Variants in GLIS3 observed in about 807,000 individuals in gnomAD.
GLIS3 encodes zinc finger protein GLIS3.
Under a neutral mutation model 78.6 loss-of-function variants are expected in GLIS3, and 53 were observed. That is an observed-to-expected ratio of 0.67 (90% CI 0.54 to 0.85). The LOEUF (loss-of-function observed/expected upper bound fraction) is 0.85, where lower values mean the gene tolerates loss of function less well. Ranked by LOEUF, GLIS3 falls within the 40% of genes least tolerant of loss-of-function variation. The pLI is 0.00. For missense variants in GLIS3, 1,703 were observed against 1,231.1 expected (o/e 1.38, Z -5.74); for synonymous variants, 684 against 509.9 (o/e 1.34, Z -4.60).
chr9:4,438,006 G>C, the GLIS3 span, among the ~76,000 whole-genome samples: 1 of 152,162 alleles, frequency 6.6e-6, no homozygotes, highest in Non-Finnish European at 1.5e-5. Flanking sequence ...GGAGTCAAAA[G>C]TTATATGTGG....
chr9:4,459,668 G>C, the GLIS3 span, among the ~76,000 whole-genome samples: 1 of 152,170 alleles, frequency 6.6e-6, no homozygotes, highest in Non-Finnish European at 1.5e-5. Flanking sequence ...GGGAGACTGA[G>C]GCAGAAGGGC....
chr9:4,271,569 A>C (rs1826511477), intron 2 of GLIS3, among the ~76,000 whole-genome samples: 1 of 152,168 alleles, frequency 6.6e-6, no homozygotes, highest in Non-Finnish European at 1.5e-5. Flanking sequence ...CAGCATAAGC[A>C]AGTGGCATAT....
chr9:4,233,600 C>G (rs1245686295), intron 2 of GLIS3, among the ~76,000 whole-genome samples: 3 of 152,186 alleles, frequency 2.0e-5, no homozygotes, highest in African/African-American at 4.8e-5. Context: ...TTATAGATCA[C>G]AGGCAGAATA....
chr9:4,279,998 T>C (rs1478736823), intron 2 of GLIS3, among the ~76,000 whole-genome samples: 2 of 152,052 alleles, frequency 1.3e-5, no homozygotes, highest in East Asian at 1.9e-4. Flanking sequence ...AAAAATAATA[T>C]AAAATTGAAA....
At chr9:4,236,772 T>C (rs1355727679) in intron 2 of GLIS3, among the ~76,000 whole-genome samples, 1 of 152,198 alleles carries the variant, frequency 6.6e-6, no homozygotes, top group Non-Finnish European at 1.5e-5. Flanking sequence ...TAAAGTTTCA[T>C]CTAATCCCTA....
At position 4,074,848 on chromosome 9, in the gene GLIS3, A is replaced by T. The variant is rs376297033; in HGVS notation, c.1710+42920T>A. On this transcript the variant is annotated intron_variant, in intron 4 of 10. Transcript: ENST00000381971. The stretch of plus-strand genomic sequence containing the variant: ...ATTTGGTCATTAGGCATTTTTACCA[A>T]ACTACAGAATTTTAGAGCCTGAAGC... Among the ~76,000 whole-genome samples, 11 of 152,296 alleles carry T rather than the reference A, an allele frequency of 7.2e-5. No homozygotes were observed. In the East Asian group the frequency reaches 1.9e-3, roughly 27 times the overall value.
chr9:3,966,737 G>T (rs1410918364), intron 4 of GLIS3, among the ~76,000 whole-genome samples: 1 of 150,992 alleles, frequency 6.6e-6, no homozygotes, highest in Non-Finnish European at 1.5e-5. Context: ...GGTGTGAGCT[G>T]AGATCGCGCC....
At chr9:4,108,420 A>C (rs1352132654) in intron 4 of GLIS3, among the ~76,000 whole-genome samples, 8 of 152,198 alleles carry the variant, frequency 5.3e-5, no homozygotes, top group Non-Finnish European at 1.0e-4. Context: ...CTGAGGGAAG[A>C]AGGTAGTAGG....
chr9:4,382,649 G>A, the GLIS3 span, among the ~76,000 whole-genome samples: 1 of 152,052 alleles, frequency 6.6e-6, no homozygotes, highest in Non-Finnish European at 1.5e-5. Context: ...TAGATACCAG[G>A]CCCTTCTCCT....
chr9:4,395,502 A>G, the GLIS3 span, among the ~76,000 whole-genome samples: 1 of 152,158 alleles, frequency 6.6e-6, no homozygotes, highest in Non-Finnish European at 1.5e-5. Flanking sequence ...CCGATGCTCT[A>G]GCTGAAGAAG....
At chr9:4,105,069 A>G (rs1399669641) in intron 4 of GLIS3, among the ~76,000 whole-genome samples, 2 of 152,234 alleles carry the variant, frequency 1.3e-5, no homozygotes, top group African/African-American at 2.4e-5. Flanking sequence ...TAAAATATCT[A>G]TAAGTGAAAT....
At chr9:4,026,779 GA>G (rs1207260980) in intron 4 of GLIS3, among the ~76,000 whole-genome samples, 2 of 152,134 alleles carry the variant, frequency 1.3e-5, no homozygotes, top group Non-Finnish European at 2.9e-5. Context: ...ATTATCAGGG[GA>G]AAAAGAGGTA....
At chr9:3,955,194 G>T (rs759886557) in intron 4 of GLIS3, among the ~76,000 whole-genome samples, 2 of 152,178 alleles carry the variant, frequency 1.3e-5, no homozygotes, top group African/African-American at 2.4e-5. Flanking sequence ...AATCAGGGAA[G>T]ATGGCCCGCA....
chr9:3,906,334 CA>C (rs1823696943), intron 6 of GLIS3, among the ~76,000 whole-genome samples: 1 of 152,144 alleles, frequency 6.6e-6, no homozygotes. Flanking sequence ...TGAAAGATGC[CA>C]ACGGCTTGAG....
chr9:3,888,808 C>G (rs925685678), intron 7 of GLIS3, among the ~76,000 whole-genome samples: 2 of 152,116 alleles, frequency 1.3e-5, no homozygotes, highest in Non-Finnish European at 2.9e-5. Context: ...GAGTTTATGC[C>G]CATATACAAC....
chr9:3,879,852 G>T (rs1174208359), intron 7 of GLIS3, among the ~76,000 whole-genome samples: 1 of 152,120 alleles, frequency 6.6e-6, no homozygotes, highest in Non-Finnish European at 1.5e-5. Flanking sequence ...TGCCCTGCCA[G>T]TTCCCTGTCT....
intron 2 of GLIS3, among the ~76,000 whole-genome samples, chr9:4,331,381 C>T (rs1053865594): frequency 9.9e-6 from 1 of 100,616 alleles, no homozygotes; most frequent in Non-Finnish European, 2.7e-5. Flanking sequence ...TAACTAATTC[C>T]ATCTAGACCC....
At chr9:4,237,638 T>C (rs180901749) in intron 2 of GLIS3, among the ~76,000 whole-genome samples, 1 of 152,238 alleles carries the variant, frequency 6.6e-6, no homozygotes, top group East Asian at 1.9e-4. Context: ...ATTCCATAAA[T>C]GTACATTTAG....
intron 2 of GLIS3, among the ~76,000 whole-genome samples, chr9:4,188,976 T>C (rs1368856701): frequency 2.6e-5 from 4 of 152,144 alleles, no homozygotes; most frequent in Admixed American, 6.5e-5. Context: ...TTCTGAAGGG[T>C]TTTTTGTATC....
Sources: allele counts gnomAD v4.1 joint callset (sites outside exome capture counted in the v4.1 genomes callset), GRCh38; gene constraint gnomAD v4.1.1; transcripts MANE v1.5; gene names NCBI Gene and HGNC (gene_info 2026-07-23, HGNC 2026-07-21).